The following ZFHX4 variants were observed in gnomAD, a reference collection of about 807,000 sequenced individuals.
ZFHX4 encodes zinc finger homeobox protein 4.
Under a neutral mutation model 267.6 loss-of-function variants are expected in ZFHX4, and 56 were observed. The ratio of observed to expected loss-of-function variants is 0.21; its 90% CI spans 0.17 to 0.26. The LOEUF (loss-of-function observed/expected upper bound fraction) is 0.26. ZFHX4 is among the 10% of genes least tolerant of loss of function. The pLI, the probability that ZFHX4 is intolerant of heterozygous loss-of-function variation, is 1.00. For missense variants in ZFHX4, 4,332 were observed against 4,420.0 expected (o/e 0.98, Z 0.56); for synonymous variants, 1,778 against 1,665.6 (o/e 1.07, Z -1.64).
At chr8:76,801,393 C>A (rs570816371) in intron 4 of ZFHX4, among the ~76,000 whole-genome samples, 1 of 152,014 alleles carries the variant, frequency 6.6e-6, no homozygotes, top group Non-Finnish European at 1.5e-5. Flanking sequence ...TTAAAAGGAC[C>A]GTTTAACCTT....
chr8:76,723,979 C>A (rs1197186919), intron 3 of ZFHX4, among the ~76,000 whole-genome samples: 2 of 92,396 alleles, frequency 2.2e-5, no homozygotes, highest in Admixed American at 9.0e-5. Context: ...AAAACAAAAA[C>A]CCCAAAAAAC....
intron 4 of ZFHX4, among the ~76,000 whole-genome samples, chr8:76,832,047 T>C (rs1304900997): frequency 6.6e-6 from 1 of 151,678 alleles, no homozygotes; most frequent in Admixed American, 6.6e-5. Flanking sequence ...TGTTTTTAAA[T>C]AGATTACTAC....
intron 3 of ZFHX4, among the ~76,000 whole-genome samples, chr8:76,741,381 TA>T (rs1243608351): frequency 6.6e-6 from 1 of 152,062 alleles, no homozygotes; most frequent in Non-Finnish European, 1.5e-5. Context: ...TAAAAATAAA[TA>T]AAGAAATTTC....
At chr8:76,730,356 T>C (rs1808970905) in intron 3 of ZFHX4, among the ~76,000 whole-genome samples, 1 of 152,170 alleles carries the variant, frequency 6.6e-6, no homozygotes, top group African/African-American at 2.4e-5. Flanking sequence ...CATATGCTGT[T>C]ACAAAAATTC....
chr8:76,865,679 T>A lies in ZFHX4; in HGVS notation c.*1114T>A. On this transcript the variant is annotated 3_prime_UTR_variant, in exon 11 of 11. Transcript: ENST00000651372. ...AATTATGAAAAGGTATATTTGCTTC[T>A]CGGGAAAGCAAAGAAGCTGCTTTAA... 1 of 152,504 alleles carries A rather than the reference T, an allele frequency of 6.6e-6. No homozygotes were observed. Among genetic ancestry groups the A allele is most frequent in the East Asian group, 1.9e-4 (1 of 5,190 alleles). 9.4% of individuals were successfully genotyped at this position (152,504 alleles called of 1,614,324 possible).
intron 3 of ZFHX4, among the ~76,000 whole-genome samples, chr8:76,748,156 C>T (rs542149429): frequency 2.5e-4 from 38 of 152,230 alleles, no homozygotes; most frequent in African/African-American, 9.1e-4. Context: ...CTCTTGAATT[C>T]TACATCCCCC....
intron 4 of ZFHX4, among the ~76,000 whole-genome samples, chr8:76,781,107 A>G (rs1810535310): frequency 6.6e-6 from 1 of 152,064 alleles, no homozygotes; most frequent in South Asian, 2.1e-4. Flanking sequence ...TTACTTCATG[A>G]CATCTGTTGT....
chr8:76,841,755 A>G (rs752403258), intron 5 of ZFHX4, among the ~76,000 whole-genome samples: 1 of 152,188 alleles, frequency 6.6e-6, no homozygotes, highest in Non-Finnish European at 1.5e-5. Flanking sequence ...CAATGAAAAC[A>G]GCATGCCATG....
intron 4 of ZFHX4, among the ~76,000 whole-genome samples, chr8:76,783,467 C>T (rs573019059): frequency 3.4e-4 from 52 of 151,970 alleles, no homozygotes; most frequent in Non-Finnish European, 5.9e-4. Flanking sequence ...TAACAAACTC[C>T]AGTGTTGTTT....
At chr8:76,818,509 A>G (rs1811563366) in intron 4 of ZFHX4, among the ~76,000 whole-genome samples, 1 of 152,222 alleles carries the variant, frequency 6.6e-6, no homozygotes, top group Non-Finnish European at 1.5e-5. Flanking sequence ...GTTGTTGAAG[A>G]GCTGTTTTAG....
intron 3 of ZFHX4, among the ~76,000 whole-genome samples, chr8:76,768,533 T>A (rs184318886): frequency 3.9e-5 from 6 of 152,204 alleles, no homozygotes; most frequent in African/African-American, 1.4e-4. Context: ...ACTTAACAAC[T>A]AATTAGATGC....
chr8:76,832,092 C>A (rs560697943), intron 4 of ZFHX4, among the ~76,000 whole-genome samples: 51 of 151,870 alleles, frequency 3.4e-4, no homozygotes, highest in Non-Finnish European at 5.3e-4. Flanking sequence ...GCAGGAAAGA[C>A]AATTAGTAAA....
At chr8:76,837,919 T>C (rs1812134671) in intron 5 of ZFHX4, among the ~76,000 whole-genome samples, 1 of 152,184 alleles carries the variant, frequency 6.6e-6, no homozygotes, top group African/African-American at 2.4e-5. Flanking sequence ...GTACTAGTAA[T>C]AATGCAGCTA....
intron 1 of ZFHX4, chr8:76,683,104 A>G (rs1200406233): frequency 6.6e-6 from 1 of 152,176 alleles, no homozygotes; most frequent in African/African-American, 2.4e-5. Flanking sequence ...GGTCCGGCCC[A>G]GAGAGGAGGC....
intron 10 of ZFHX4, among the ~76,000 whole-genome samples, chr8:76,861,136 A>G (rs892882690): frequency 6.6e-6 from 1 of 152,100 alleles, no homozygotes; most frequent in African/African-American, 2.4e-5. Flanking sequence ...GGCCATCTTT[A>G]TTTAAATTTA....
intron 1 of ZFHX4, among the ~76,000 whole-genome samples, chr8:76,701,786 T>C (rs1165500795): frequency 6.6e-6 from 1 of 152,126 alleles, no homozygotes; most frequent in African/African-American, 2.4e-5. Flanking sequence ...TCCTCACTCT[T>C]TCTAATTAAA....
chr8:76,730,352 C>G (rs1808970723), intron 3 of ZFHX4, among the ~76,000 whole-genome samples: 1 of 152,136 alleles, frequency 6.6e-6, no homozygotes, highest in East Asian at 1.9e-4. Context: ...ATATCATATG[C>G]TGTTACAAAA....
chr8:76,723,695 T>C (rs1265268812), intron 3 of ZFHX4, among the ~76,000 whole-genome samples: 1 of 151,712 alleles, frequency 6.6e-6, no homozygotes, highest in Admixed American at 6.6e-5. Flanking sequence ...GAGTTTGTGG[T>C]TTAGTGGAGG....
At chr8:76,726,923 AAAG>A (rs553223120) in intron 3 of ZFHX4, among the ~76,000 whole-genome samples, 77 of 152,284 alleles carry the variant, frequency 5.1e-4, no homozygotes, top group African/African-American at 1.7e-3. Context: ...ACAGAACAGA[AAAG>A]AAGAAGTTTA....
Sources: allele counts gnomAD v4.1 joint callset (sites outside exome capture counted in the v4.1 genomes callset), GRCh38; gene constraint gnomAD v4.1.1; transcripts MANE v1.5; gene names NCBI Gene and HGNC (gene_info 2026-07-23, HGNC 2026-07-21).